The following ADAMTSL3 variants were observed in gnomAD, a reference collection of about 807,000 sequenced individuals.
ADAMTSL3 encodes the protein ADAMTS like 3.
ADAMTSL3 carries 128 observed loss-of-function variants against 201.7 expected under a neutral mutation model. The ratio of observed to expected loss-of-function variants is 0.63; its 90% CI spans 0.55 to 0.73. The LOEUF (loss-of-function observed/expected upper bound fraction) is 0.73. Among genes scored for constraint, ADAMTSL3 ranks in the 30% least tolerant of loss-of-function variants. The pLI, the probability that ADAMTSL3 is intolerant of heterozygous loss-of-function variation, is 0.00. For synonymous variants in ADAMTSL3, 738 were observed against 748.4 expected, an observed-to-expected ratio of 0.99 and a Z score of 0.23; for missense variants, 1,990 against 2,119.6, an observed-to-expected ratio of 0.94 and a Z score of 1.20.
At chr15:83,963,425 G>A (rs983414753) in intron 19 of ADAMTSL3, among the ~76,000 whole-genome samples, 2 of 152,178 alleles carry the variant, frequency 1.3e-5, no homozygotes, top group Non-Finnish European at 2.9e-5. Flanking sequence ...ACCACAGCTT[G>A]GCAAAGCCAC....
At chr15:83,890,311 G>T in intron 11 of ADAMTSL3, 64 bp downstream of exon 11, 1 of 1,580,036 alleles carries the variant, frequency 6.3e-7, no homozygotes, top group South Asian at 1.2e-5. Context: ...AACTGAGACT[G>T]ATCAATCTTT....
chr15:83,995,739 TA>T (rs984552016), intron 23 of ADAMTSL3, among the ~76,000 whole-genome samples: 27 of 152,094 alleles, frequency 1.8e-4, no homozygotes, highest in African/African-American at 6.0e-4. Flanking sequence ...ATAATTTCAA[TA>T]AAAAAAGCAA....
intron 6 of ADAMTSL3, among the ~76,000 whole-genome samples, chr15:83,834,716 A>G (rs1026035695): frequency 6.6e-6 from 1 of 152,200 alleles, no homozygotes; most frequent in Non-Finnish European, 1.5e-5. Context: ...GTCATCCACT[A>G]TCTTGTGTAA....
intron 4 of ADAMTSL3, among the ~76,000 whole-genome samples, chr15:83,799,592 A>C (rs971700036): frequency 6.6e-6 from 1 of 152,198 alleles, no homozygotes; most frequent in African/African-American, 2.4e-5. Context: ...CATCAAATGA[A>C]TATAATAAAT....
intron 2 of ADAMTSL3, among the ~76,000 whole-genome samples, chr15:83,689,093 G>T (rs1279805723): frequency 6.6e-6 from 1 of 152,186 alleles, no homozygotes; most frequent in Non-Finnish European, 1.5e-5. Flanking sequence ...AAGATGTTGG[G>T]ATTACAGGTG....
intron 15 of ADAMTSL3, among the ~76,000 whole-genome samples, chr15:83,902,920 A>T (rs180794435): frequency 6.6e-6 from 1 of 152,148 alleles, no homozygotes; most frequent in African/African-American, 2.4e-5. Context: ...ATGAACCCCC[A>T]TGTCATGTTC....
At chr15:83,969,868 GTAGA>G (rs2067160400) in intron 19 of ADAMTSL3, among the ~76,000 whole-genome samples, 1 of 152,188 alleles carries the variant, frequency 6.6e-6, no homozygotes, top group Non-Finnish European at 1.5e-5. Flanking sequence ...TATTAAGAAG[GTAGA>G]TCTTATGTGA....
At chr15:83,833,858 C>A (rs1277019489) in intron 6 of ADAMTSL3, among the ~76,000 whole-genome samples, 2 of 152,174 alleles carry the variant, frequency 1.3e-5, no homozygotes, top group African/African-American at 4.8e-5. Flanking sequence ...AAGGGAGCAA[C>A]TATGTATAAA....
At chr15:83,988,130 C>T (rs889414313) in intron 21 of ADAMTSL3, among the ~76,000 whole-genome samples, 1 of 152,136 alleles carries the variant, frequency 6.6e-6, no homozygotes, top group African/African-American at 2.4e-5. Context: ...TGCAGGTTAG[C>T]CCTAATTCTT....
chr15:83,744,047 T>C (rs898539323), intron 3 of ADAMTSL3, among the ~76,000 whole-genome samples: 1 of 152,116 alleles, frequency 6.6e-6, no homozygotes, highest in Non-Finnish European at 1.5e-5. Flanking sequence ...AGACGGGGTT[T>C]CACCGTGCTA....
At chr15:83,825,236 T>C (rs1431942476) in intron 6 of ADAMTSL3, among the ~76,000 whole-genome samples, 2 of 152,248 alleles carry the variant, frequency 1.3e-5, no homozygotes, top group African/African-American at 2.4e-5. Context: ...TAGTAATCCT[T>C]CTCAGTGGGA....
intron 2 of ADAMTSL3, among the ~76,000 whole-genome samples, chr15:83,665,646 G>T (rs2061238750): frequency 6.6e-6 from 1 of 152,314 alleles, no homozygotes; most frequent in African/African-American, 2.4e-5. Context: ...GTTTATGATT[G>T]TGATTGCTTT....
At chr15:83,951,447 G>A (rs1266495680) in intron 19 of ADAMTSL3, among the ~76,000 whole-genome samples, 3 of 152,054 alleles carry the variant, frequency 2.0e-5, no homozygotes, top group African/African-American at 7.2e-5. Context: ...TTGCATCAGT[G>A]TTCATCAGGC....
chr15:83,877,345 T>G (rs1198314874), intron 9 of ADAMTSL3, among the ~76,000 whole-genome samples: 3 of 152,234 alleles, frequency 2.0e-5, no homozygotes, highest in Non-Finnish European at 4.4e-5. Context: ...GAATCAATAT[T>G]TTTTCTATAT....
At chr15:83,666,099 T>C (rs1408878911) in intron 2 of ADAMTSL3, among the ~76,000 whole-genome samples, 1 of 152,174 alleles carries the variant, frequency 6.6e-6, no homozygotes, top group East Asian at 1.9e-4. Context: ...TTTCTGATAT[T>C]CTTCTTAGAA....
intron 16 of ADAMTSL3, among the ~76,000 whole-genome samples, chr15:83,923,552 C>T (rs1769483708): frequency 6.6e-6 from 1 of 152,142 alleles, no homozygotes; most frequent in South Asian, 2.1e-4. Context: ...GGAAGGAACA[C>T]CTTGATGGCT....
intron 17 of ADAMTSL3, among the ~76,000 whole-genome samples, chr15:83,935,305 T>C (rs923870024): frequency 2.0e-5 from 3 of 152,326 alleles, no homozygotes; most frequent in South Asian, 4.1e-4. Context: ...AATGTTCTTG[T>C]AGATAAGCGT....
intron 7 of ADAMTSL3, among the ~76,000 whole-genome samples, chr15:83,853,907 T>C (rs1305166621): frequency 2.8e-3 from 9 of 3,198 alleles, no homozygotes; most frequent in Non-Finnish European, 6.3e-3. Flanking sequence ...TCACTCTATC[T>C]CTATCTATCT....
intron 6 of ADAMTSL3, among the ~76,000 whole-genome samples, chr15:83,823,890 T>TTCC (rs767078655): frequency 2.1e-5 from 2 of 95,976 alleles, no homozygotes; most frequent in Non-Finnish European, 3.8e-5. Flanking sequence ...CTTCTTCTTC[T>TTCC]TCCTCTTCTT....
Sources: allele counts gnomAD v4.1 joint callset (sites outside exome capture counted in the v4.1 genomes callset), GRCh38; gene constraint gnomAD v4.1.1; transcripts MANE v1.5; gene names NCBI Gene and HGNC (gene_info 2026-07-23, HGNC 2026-07-21).